MACROD2: variants seen among roughly 807,000 people sequenced by gnomAD.
MACROD2 encodes the protein ADP-ribose glycohydrolase MACROD2.
Under a neutral mutation model 70.4 loss-of-function variants are expected in MACROD2, and 36 were observed. The ratio of observed to expected loss-of-function variants is 0.51; its 90% CI spans 0.39 to 0.68. The LOEUF (loss-of-function observed/expected upper bound fraction) is 0.68, where lower values mean the gene tolerates loss of function less well. Among genes scored for constraint, MACROD2 ranks in the 30% least tolerant of loss-of-function variants. MACROD2 has a pLI of 0.00. For missense variants in MACROD2, 496 were observed against 538.4 expected (o/e 0.92, Z 0.78); for synonymous variants, 172 against 178.8 (o/e 0.96, Z 0.30).
chr20:14,625,708 G>A (rs1291645990), intron 4 of MACROD2, among the ~76,000 whole-genome samples: 2 of 152,190 alleles, frequency 1.3e-5, no homozygotes, highest in East Asian at 3.9e-4. Flanking sequence ...CTTTGTGAGA[G>A]GAGCCAGCTA....
chr20:14,774,283 A>G (rs2072207221), intron 5 of MACROD2, among the ~76,000 whole-genome samples: 1 of 152,024 alleles, frequency 6.6e-6, no homozygotes, highest in Admixed American at 6.6e-5. Flanking sequence ...TTTTCTCAAC[A>G]GTACTTTATA....
At chr20:14,536,015 A>G (rs1032674320) in intron 4 of MACROD2, among the ~76,000 whole-genome samples, 1 of 152,168 alleles carries the variant, frequency 6.6e-6, no homozygotes, top group African/African-American at 2.4e-5. Context: ...AGGGAAATGT[A>G]TCATGGTTTG....
intron 3 of MACROD2, among the ~76,000 whole-genome samples, chr20:14,375,721 G>T (rs1203693327): frequency 1.3e-5 from 2 of 152,158 alleles, no homozygotes; most frequent in East Asian, 3.9e-4. Flanking sequence ...ATTGTCTCCG[G>T]TTTTGCGTTC....
At chr20:14,827,438 G>A (rs1487697817) in intron 5 of MACROD2, among the ~76,000 whole-genome samples, 1 of 152,114 alleles carries the variant, frequency 6.6e-6, no homozygotes, top group Non-Finnish European at 1.5e-5. Context: ...TGGCATGGAT[G>A]CTTTGTTTAC....
intron 9 of MACROD2, among the ~76,000 whole-genome samples, chr20:15,869,414 A>G (rs1424335096): frequency 6.6e-6 from 1 of 151,142 alleles, no homozygotes; most frequent in Non-Finnish European, 1.5e-5. Flanking sequence ...TTAAAACTAT[A>G]TTTAAAAAAT....
At chr20:14,874,333 G>A (rs1032067339) in intron 5 of MACROD2, among the ~76,000 whole-genome samples, 5 of 144,612 alleles carry the variant, frequency 3.5e-5, no homozygotes, top group African/African-American at 1.3e-4. Flanking sequence ...TTGAGGTGCT[G>A]TCCTTTTTTA....
At chr20:14,232,353 C>T (rs943656476) in intron 3 of MACROD2, among the ~76,000 whole-genome samples, 10 of 152,186 alleles carry the variant, frequency 6.6e-5, no homozygotes, top group Non-Finnish European at 1.0e-4. Context: ...ATTGACTTCT[C>T]CCCTCTGGCT....
chr20:14,867,559 G>T (rs1412378171), intron 5 of MACROD2, among the ~76,000 whole-genome samples: 1 of 152,104 alleles, frequency 6.6e-6, no homozygotes, highest in Non-Finnish European at 1.5e-5. Flanking sequence ...TGTTTAACAG[G>T]TGACTTCACA....
chr20:14,276,643 T>A (rs1035983928), intron 3 of MACROD2, among the ~76,000 whole-genome samples: 47 of 151,960 alleles, frequency 3.1e-4, no homozygotes, highest in African/African-American at 1.1e-3. Flanking sequence ...TAAAATAAAA[T>A]AAAATAAGAC....
At chr20:15,092,710 T>C (rs1458730137) in intron 5 of MACROD2, among the ~76,000 whole-genome samples, 2 of 152,062 alleles carry the variant, frequency 1.3e-5, no homozygotes, top group Admixed American at 1.3e-4. Flanking sequence ...GGAGAAAAAA[T>C]ATAAATATTA....
intron 13 of MACROD2, among the ~76,000 whole-genome samples, chr20:15,983,590 G>A (rs1429700044): frequency 6.6e-6 from 1 of 152,168 alleles, no homozygotes; most frequent in African/African-American, 2.4e-5. Flanking sequence ...TGGACCTCAG[G>A]TGCTGATCTG....
intron 2 of MACROD2, chr20:14,003,795 T>C (rs1339126493): frequency 2.6e-6 from 1 of 386,940 alleles, no homozygotes. Context: ...AAAAAAAAGG[T>C]CTGGTTAAGA....
chr20:14,478,969 T>C (rs1256037316), intron 3 of MACROD2, among the ~76,000 whole-genome samples: 1 of 152,032 alleles, frequency 6.6e-6, no homozygotes, highest in Non-Finnish European at 1.5e-5. Context: ...GAAAAGAAAG[T>C]CTCTGGTCTG....
rs190906445 is a variant in MACROD2, at chr20:15,303,771, C to T, written c.540+73710C>T. Among the ~76,000 whole-genome samples the T allele has an allele frequency of 7.0e-4, 106 of 152,238 alleles. No individual in the cohort carries two copies. The East Asian group carries it at 0.013, about 19-fold the overall frequency. On this transcript the variant is annotated intron_variant, in intron 6 of 17. Coordinates refer to ENST00000684519, the MANE Select transcript of MACROD2 (RefSeq NM_001351661.2). ...ATGCACCGTATTTTTTTCATGCCCC[C>T]AGTCTCTTTAGTTTCTACCAACACG...
At chr20:15,820,179 T>G (rs1323029230) in intron 8 of MACROD2, among the ~76,000 whole-genome samples, 1 of 152,098 alleles carries the variant, frequency 6.6e-6, no homozygotes, top group Non-Finnish European at 1.5e-5. Flanking sequence ...TCTGCCCGTC[T>G]TTTTTCTTTT....
At chr20:14,565,496 A>T (rs930953975) in intron 4 of MACROD2, among the ~76,000 whole-genome samples, 24 of 143,780 alleles carry the variant, frequency 1.7e-4, no homozygotes, top group Admixed American at 9.0e-4. Flanking sequence ...AAATAGAAGG[A>T]TATAATGTAA....
chr20:15,894,940 C>T (rs2064947421), intron 10 of MACROD2, among the ~76,000 whole-genome samples: 1 of 152,182 alleles, frequency 6.6e-6, no homozygotes, highest in African/African-American at 2.4e-5. Context: ...ATTTTCTAGA[C>T]CATCTCTTAA....
At chr20:15,461,001 TATA>T (rs554300298) in intron 7 of MACROD2, among the ~76,000 whole-genome samples, 1,579 of 84,840 alleles carry the variant, frequency 0.019, 96 homozygotes, top group South Asian at 0.051. Flanking sequence ...TATATATATA[TATA>T]TATTTTTTTT....
At chr20:15,140,996 A>C (rs998474590) in intron 5 of MACROD2, among the ~76,000 whole-genome samples, 5 of 152,212 alleles carry the variant, frequency 3.3e-5, no homozygotes, top group Non-Finnish European at 7.3e-5. Context: ...TTCCATTTAC[A>C]TGCATTCAGG....
Sources: allele counts gnomAD v4.1 joint callset (sites outside exome capture counted in the v4.1 genomes callset), GRCh38; gene constraint gnomAD v4.1.1; transcripts MANE v1.5; gene names NCBI Gene and HGNC (gene_info 2026-07-23, HGNC 2026-07-21).